Variants in TBC1D12 observed in about 807,000 individuals in gnomAD.
TBC1D12 encodes TBC1 domain family member 12, also known as TBC1 domain family, member 12.
A neutral mutation model predicts 86.7 loss-of-function variants in TBC1D12; 56 were observed. The ratio of observed to expected loss-of-function variants is 0.65; its 90% CI spans 0.52 to 0.81. TBC1D12 has a LOEUF of 0.81. Ranked by LOEUF, TBC1D12 falls within the 30% of genes least tolerant of loss-of-function variation. The pLI is 0.00. For synonymous variants in TBC1D12, 421 were observed against 411.7 expected, an observed-to-expected ratio of 1.02 and a Z score of -0.27; for missense variants, 1,023 against 1,038.8, an observed-to-expected ratio of 0.98 and a Z score of 0.21.
intron 2 of TBC1D12, among the ~76,000 whole-genome samples, chr10:94,465,373 C>T (rs372057574): frequency 5.3e-5 from 8 of 152,100 alleles, no homozygotes; most frequent in Admixed American, 1.3e-4. Flanking sequence ...TAGGCCCGGG[C>T]GCAGTGGCCC....
chr10:94,533,465 G>T lies in TBC1D12; in HGVS notation c.*369G>T. 5.4e-6 allele frequency: 1 copy of T among 186,704 alleles called. No homozygotes were observed. Among genetic ancestry groups the T allele is most frequent in the Non-Finnish European group, 1.1e-5 (1 of 91,454 alleles). 11.6% of individuals were successfully genotyped at this position (186,704 alleles called of 1,614,324 possible). A position where few individuals can be genotyped will look rare whatever the true frequency, so the allele number is the denominator to read the frequency against. On this transcript the variant is annotated 3_prime_UTR_variant, in exon 13 of 13. Coordinates refer to ENST00000225235, the MANE Select transcript of TBC1D12 (RefSeq NM_015188.2). ...CAAAGATATTCTGGAGGCTAGAGTA[G>T]GATTGTTAAATACTACTGTTAACCT... is the stretch of plus-strand genomic sequence containing the variant.
chr10:94,443,063 T>C (rs2055404469), intron 2 of TBC1D12, among the ~76,000 whole-genome samples: 1 of 152,186 alleles, frequency 6.6e-6, no homozygotes, highest in Admixed American at 6.5e-5. Flanking sequence ...GTCCTAACCC[T>C]TCCTGGCACA....
At chr10:94,528,398 A>G (rs1842349329) in intron 11 of TBC1D12, among the ~76,000 whole-genome samples, 1 of 152,170 alleles carries the variant, frequency 6.6e-6, no homozygotes, top group South Asian at 2.1e-4. Context: ...AATGTCTTTT[A>G]TCATGTTTTC....
intron 11 of TBC1D12, among the ~76,000 whole-genome samples, chr10:94,529,559 G>A (rs1198998695): frequency 1.3e-5 from 2 of 152,040 alleles, no homozygotes; most frequent in East Asian, 1.9e-4. Context: ...TGGAGGTTGC[G>A]GTGAGGTGAG....
intron 2 of TBC1D12, among the ~76,000 whole-genome samples, chr10:94,471,718 T>A (rs1360174211): frequency 6.6e-6 from 1 of 152,254 alleles, no homozygotes; most frequent in Non-Finnish European, 1.5e-5. Flanking sequence ...TATACTTTAT[T>A]TTTTGTTGTT....
At chr10:94,524,550 C>G (rs1484494714) in intron 11 of TBC1D12, among the ~76,000 whole-genome samples, 1 of 151,830 alleles carries the variant, frequency 6.6e-6, no homozygotes, top group African/African-American at 2.4e-5. Context: ...ACCATCCTGG[C>G]CAACATGGTG....
intron 4 of TBC1D12, among the ~76,000 whole-genome samples, chr10:94,495,544 T>A (rs747477132): frequency 5.3e-5 from 8 of 152,164 alleles, no homozygotes; most frequent in Non-Finnish European, 1.2e-4. Flanking sequence ...TACTGGATGA[T>A]CTTAAAAGCA....
intron 2 of TBC1D12, among the ~76,000 whole-genome samples, chr10:94,442,886 T>G (rs979211885): frequency 3.3e-5 from 5 of 152,218 alleles, no homozygotes; most frequent in African/African-American, 1.2e-4. Context: ...GAAAAACTGG[T>G]TTTCCAAGTA....
chr10:94,456,607 A>T (rs148019627), intron 2 of TBC1D12, among the ~76,000 whole-genome samples: 1,716 of 152,276 alleles, frequency 0.011, 20 homozygotes, highest in Non-Finnish European at 0.015. Flanking sequence ...GTATTGGTGA[A>T]TGTTCCATGT....
intron 12 of TBC1D12, among the ~76,000 whole-genome samples, 160 bp from the exon 13 acceptor site, chr10:94,532,868 A>G (rs1262287787): frequency 6.6e-6 from 1 of 152,220 alleles, no homozygotes; most frequent in Non-Finnish European, 1.5e-5. Context: ...ATCATATTTC[A>G]TGATTAGAAA....
rs1205792224 is a variant in TBC1D12, at chr10:94,510,170, C to T, written c.1680C>T (p.Ile560=). ...DISRTFPSLY[I]FQKGGPYHDV... ...CCCGTACATTTCCATCTCTCTACAT[C>T]TTTCAGAAGGTGAGGGTTTCTAACC... The change falls in exon 8 of 13, where the codon ATC becomes ATT. Residue 560 remains isoleucine (I), a synonymous_variant. Transcript: ENST00000225235. 1.9e-6 allele frequency: 3 copies of T among 1,592,256 alleles called. No individual in the cohort carries two copies. Among genetic ancestry groups the T allele is most frequent in the Non-Finnish European group, 2.6e-6 (3 of 1,173,846 alleles).
chr10:94,489,826 G>C (rs1379082639), intron 3 of TBC1D12, among the ~76,000 whole-genome samples: 1 of 152,118 alleles, frequency 6.6e-6, no homozygotes, highest in South Asian at 2.1e-4. Context: ...TGTTTGCCTT[G>C]GCACACAAAT....
intron 1 of TBC1D12, among the ~76,000 whole-genome samples, chr10:94,432,004 G>T (rs1049254737): frequency 1.3e-5 from 2 of 152,174 alleles, no homozygotes; most frequent in East Asian, 1.9e-4. Flanking sequence ...AATCCTGAAA[G>T]AATTGTTCTA....
intron 2 of TBC1D12, among the ~76,000 whole-genome samples, chr10:94,463,898 A>G (rs1432805660): frequency 6.6e-6 from 1 of 152,050 alleles, no homozygotes; most frequent in Admixed American, 6.5e-5. Flanking sequence ...TCTCCACCAT[A>G]ATGTACTTGG....
In TBC1D12 at chr10:94,445,845, G is replaced by A. The variant is rs570656066; in HGVS notation, c.1095+3826G>A. 1.1e-3 allele frequency among the ~76,000 whole-genome samples: 160 copies of A among 152,166 alleles called. 1 individual carries two copies. Among genetic ancestry groups the A allele is most frequent in the African/African-American group, 3.8e-3 (158 of 41,524 alleles). On this transcript the variant is annotated intron_variant, in intron 2 of 12. Coordinates refer to ENST00000225235, the MANE Select transcript of TBC1D12 (RefSeq NM_015188.2). ...TGCCTATAATTCCAGCTGCTCGGAA[G>A]GCTGAGGCAGGAGAATCACTTGAGC...
At chr10:94,523,521 A>G (rs1437826921) in intron 11 of TBC1D12, among the ~76,000 whole-genome samples, 1 of 152,136 alleles carries the variant, frequency 6.6e-6, no homozygotes, top group Non-Finnish European at 1.5e-5. Context: ...TGAATTTTTT[A>G]ATTTGATCTC....
intron 1 of TBC1D12, among the ~76,000 whole-genome samples, chr10:94,411,991 G>T (rs146336124): frequency 6.1e-4 from 93 of 152,276 alleles, no homozygotes; most frequent in Non-Finnish European, 1.1e-3. Context: ...AGTTGATTCA[G>T]ATTGTCAACT....
chr10:94,451,371 T>C (rs1355042207), intron 2 of TBC1D12, among the ~76,000 whole-genome samples: 1 of 152,082 alleles, frequency 6.6e-6, no homozygotes, highest in African/African-American at 2.4e-5. Flanking sequence ...GAGGACAAGT[T>C]TATTAAGATT....
At chr10:94,452,932 T>A (rs887999871) in intron 2 of TBC1D12, among the ~76,000 whole-genome samples, 11 of 152,242 alleles carry the variant, frequency 7.2e-5, no homozygotes, top group Non-Finnish European at 1.3e-4. Flanking sequence ...TGCCACATTT[T>A]CTCCAGTATT....
Sources: gnomAD v4.1 joint callset for allele counts (sites outside exome capture counted in the v4.1 genomes callset) on GRCh38, gnomAD v4.1.1 for gene constraint, MANE v1.5 for transcripts, NCBI Gene and HGNC (gene_info 2026-07-23, HGNC 2026-07-21) for gene names.